Variants in DCDC2 observed in about 807,000 individuals in gnomAD.
The protein encoded by DCDC2 is doublecortin domain-containing protein 2.
Under a neutral mutation model 50.2 loss-of-function variants are expected in DCDC2, and 40 were observed. The ratio of observed to expected loss-of-function variants is 0.80; its 90% CI spans 0.62 to 1.04. The LOEUF is 1.04. Ranked by LOEUF, DCDC2 falls within the 50% of genes least tolerant of loss-of-function variation. DCDC2 has a pLI of 0.00. For missense variants in DCDC2, 570 were observed against 581.9 expected (o/e 0.98, Z 0.21); for synonymous variants, 234 against 210.6 (o/e 1.11, Z -0.96).
intron 4 of DCDC2, among the ~76,000 whole-genome samples, chr6:24,299,871 A>G (rs1759334540): frequency 6.6e-6 from 1 of 152,038 alleles, no homozygotes; most frequent in Admixed American, 6.6e-5. Flanking sequence ...GTGAGCCAAG[A>G]TCCCACCATT....
upstream of DCDC2, among the ~76,000 whole-genome samples, chr6:24,359,276 T>C (rs1760594576): frequency 1.4e-5 from 1 of 73,696 alleles, no homozygotes; most frequent in South Asian, 3.9e-4. Context: ...TTATATTTTA[T>C]ATATATTATA....
the DCDC2 span, among the ~76,000 whole-genome samples, chr6:24,369,804 C>A: frequency 6.6e-6 from 1 of 152,048 alleles, no homozygotes; most frequent in East Asian, 1.9e-4. Context: ...CTTTGGGAGG[C>A]TGAGGTGGGA....
At chr6:24,236,251 C>G (rs796940951) in intron 7 of DCDC2, among the ~76,000 whole-genome samples, 1 of 152,132 alleles carries the variant, frequency 6.6e-6, no homozygotes, top group Non-Finnish European at 1.5e-5. Context: ...ACCAATGGAA[C>G]AGATAGAGAA....
At chr6:24,297,774 G>T (rs779528666) in intron 4 of DCDC2, among the ~76,000 whole-genome samples, 103 of 151,952 alleles carry the variant, frequency 6.8e-4, no homozygotes, top group Non-Finnish European at 2.4e-4. Context: ...CAAAATCAAA[G>T]GTTTAAATAA....
At chr6:24,362,439 T>G (rs6923317), upstream of DCDC2, among the ~76,000 whole-genome samples, 484 of 138,208 alleles carry the variant, frequency 3.5e-3, 2 homozygotes, top group African/African-American at 0.012. Context: ...ATTGTATATT[T>G]ATACAATTAT....
At chr6:24,369,275 T>G in the DCDC2 span, among the ~76,000 whole-genome samples, 1 of 152,084 alleles carries the variant, frequency 6.6e-6, no homozygotes, top group South Asian at 2.1e-4. Context: ...TTGTTATGTA[T>G]GCATGTTAAA....
At chr6:24,235,069 C>G (rs1762415463) in intron 7 of DCDC2, among the ~76,000 whole-genome samples, 1 of 152,136 alleles carries the variant, frequency 6.6e-6, no homozygotes. Flanking sequence ...GATTTGACAG[C>G]TGGTCATGCA....
chr6:24,242,759 C>T (rs1462744666), intron 7 of DCDC2, among the ~76,000 whole-genome samples: 3 of 152,046 alleles, frequency 2.0e-5, no homozygotes, highest in African/African-American at 4.8e-5. Context: ...GCCAGGAGTT[C>T]GAGAACAGCC....
chr6:24,209,725 C>G (rs1357185059), intron 7 of DCDC2, among the ~76,000 whole-genome samples: 1 of 152,084 alleles, frequency 6.6e-6, no homozygotes, highest in Non-Finnish European at 1.5e-5. Context: ...AGTATAATAA[C>G]AGAATGCCTG....
At chr6:24,193,428 G>A (rs1049825777) in intron 8 of DCDC2, among the ~76,000 whole-genome samples, 3 of 152,158 alleles carry the variant, frequency 2.0e-5, no homozygotes, top group African/African-American at 7.2e-5. Flanking sequence ...CAGCTGACTG[G>A]AGGGATTGAG....
chr6:24,193,991 T>C (rs1432821820), intron 8 of DCDC2, among the ~76,000 whole-genome samples: 4 of 152,096 alleles, frequency 2.6e-5, no homozygotes, highest in Admixed American at 2.6e-4. Flanking sequence ...ATTTTTTAAA[T>C]TAAAGTTTAA....
At chr6:24,259,508 A>G (rs1762964637) in intron 7 of DCDC2, among the ~76,000 whole-genome samples, 1 of 152,232 alleles carries the variant, frequency 6.6e-6, no homozygotes, top group Non-Finnish European at 1.5e-5. Flanking sequence ...AACATCAAAA[A>G]GAAAACAAAA....
chr6:24,174,645 T>G lies in DCDC2; in HGVS notation c.*85A>C, dbSNP rs1277498931. On this transcript the variant is annotated 3_prime_UTR_variant, in exon 10 of 10. Coordinates refer to ENST00000378454, the MANE Select transcript of DCDC2 (RefSeq NM_016356.5). ...TATTCGACCATAGTGTCACATTATATTCAGCAATAACTATGTGCTTATCTT... is the reference window on the plus strand; with the variant it reads ...TATTCGACCATAGTGTCACATTATAGTCAGCAATAACTATGTGCTTATCTT... The G allele has an allele frequency of 4.4e-6, 4 of 903,954 alleles. No homozygotes were observed. Among genetic ancestry groups the G allele is most frequent in the Non-Finnish European group, 7.0e-6 (4 of 569,744 alleles). 56.0% of individuals were successfully genotyped at this position (903,954 alleles called of 1,614,324 possible).
At chr6:24,188,072 G>T (rs1761242296) in intron 8 of DCDC2, among the ~76,000 whole-genome samples, 1 of 152,208 alleles carries the variant, frequency 6.6e-6, no homozygotes, top group African/African-American at 2.4e-5. Context: ...ATGTTCAAGA[G>T]TTACTTCCAG....
chr6:24,264,301 T>C (rs1471400872), intron 7 of DCDC2, among the ~76,000 whole-genome samples: 2 of 152,136 alleles, frequency 1.3e-5, no homozygotes, highest in Non-Finnish European at 2.9e-5. Context: ...GGTACAAAAT[T>C]CACTGGTAAT....
intron 7 of DCDC2, among the ~76,000 whole-genome samples, chr6:24,255,471 T>C (rs1037842756): frequency 1.3e-4 from 20 of 151,798 alleles, no homozygotes; most frequent in African/African-American, 2.2e-4. Context: ...ATTAAAGACT[T>C]CTGTCCTACA....
At chr6:24,282,260 T>TG (rs147168089) in intron 6 of DCDC2, among the ~76,000 whole-genome samples, 5,487 of 152,016 alleles carry the variant, frequency 0.036, 298 homozygotes, top group African/African-American at 0.12. Context: ...GTTTTGTTTT[T>TG]TTTTGAGACT....
intron 5 of DCDC2, among the ~76,000 whole-genome samples, 184 bp from the exon 6 acceptor site, chr6:24,289,090 T>A (rs553977047): frequency 6.6e-6 from 1 of 152,318 alleles, no homozygotes; most frequent in South Asian, 2.1e-4. Context: ...CCAAATTCCA[T>A]CCCAAAAGAT....
At chr6:24,296,556 T>C (rs572128543) in intron 4 of DCDC2, among the ~76,000 whole-genome samples, 127 of 152,276 alleles carry the variant, frequency 8.3e-4, no homozygotes, top group African/African-American at 2.7e-3. Context: ...GGAGAAACTT[T>C]TGCAAACTAT....
Sources: gnomAD v4.1 joint callset for allele counts (sites outside exome capture counted in the v4.1 genomes callset) on GRCh38, gnomAD v4.1.1 for gene constraint, MANE v1.5 for transcripts, NCBI Gene and HGNC (gene_info 2026-07-23, HGNC 2026-07-21) for gene names.